Variants in INSYN2A observed in about 807,000 individuals in gnomAD.
INSYN2A encodes family with sequence similarity 196 member A.
INSYN2A carries 17 observed loss-of-function variants against 39.4 expected under a neutral mutation model. That is an observed-to-expected ratio of 0.43 (90% CI 0.30 to 0.65). INSYN2A has a LOEUF of 0.65. Ranked by LOEUF, INSYN2A falls within the 30% of genes least tolerant of loss-of-function variation. INSYN2A has a pLI of 0.14. For synonymous variants in INSYN2A, 255 were observed against 265.7 expected, an observed-to-expected ratio of 0.96 and a Z score of 0.39; for missense variants, 595 against 631.2, an observed-to-expected ratio of 0.94 and a Z score of 0.61.
At chr10:127,157,529 A>G (rs931203696) in intron 4 of INSYN2A, among the ~76,000 whole-genome samples, 2 of 152,144 alleles carry the variant, frequency 1.3e-5, no homozygotes. Context: ...TTTTCACTCA[A>G]TTTTCTTTCT....
chr10:127,175,900 GC>G lies in INSYN2A; in HGVS notation c.495del (p.Arg166GlyfsTer16), dbSNP rs766459538. On this transcript the variant is annotated frameshift_variant, in exon 4 of 6. Coordinates refer to ENST00000522781, the MANE Select transcript of INSYN2A (RefSeq NM_001039762.3). LOFTEE classifies it high-confidence loss of function. This position sits in a 1 kb window ranked among gnomAD's most constrained non-coding sequence, Gnocchi z 6.3. ...PMEEARPCGAGRVHKTTALVF... is the reference protein window; with the variant it reads ...PMEEARPCGAXRVHKTTALVF... ...ACCAAGGCTGTGGTCTTGTGCACCC[GC>G]CCCGCGCCACATGGCCGGGCCTCCT... 2 of 1,614,136 alleles carry G rather than the reference GC, an allele frequency of 1.2e-6. No homozygotes were observed. The highest frequency in any genetic ancestry group is 8.5e-7 in the Non-Finnish European group (1 of 1,180,032).
intron 5 of INSYN2A, among the ~76,000 whole-genome samples, chr10:127,141,540 T>G (rs2051244590): frequency 6.6e-6 from 1 of 152,110 alleles, no homozygotes; most frequent in African/African-American, 2.4e-5. Flanking sequence ...CCATCTGTAC[T>G]AAAAATATAA....
chr10:127,148,444 A>G (rs966748356), intron 5 of INSYN2A, among the ~76,000 whole-genome samples: 8 of 152,216 alleles, frequency 5.3e-5, no homozygotes, highest in African/African-American at 1.9e-4. Context: ...TTCATCTCCA[A>G]AAGCCCTTGG....
intron 5 of INSYN2A, among the ~76,000 whole-genome samples, chr10:127,140,243 A>G (rs940687710): frequency 2.0e-5 from 3 of 152,196 alleles, no homozygotes; most frequent in African/African-American, 7.2e-5. Flanking sequence ...ACACCAAGGA[A>G]CCATGTAATC....
intron 5 of INSYN2A, among the ~76,000 whole-genome samples, chr10:127,143,311 A>T (rs1332942437): frequency 1.3e-5 from 2 of 152,178 alleles, no homozygotes; most frequent in Admixed American, 1.3e-4. Context: ...CGACAGGGCC[A>T]TGTGGCTCGG....
At position 127,196,456 on chromosome 10, in the gene INSYN2A, G is replaced by A. The variant is rs182429966; in HGVS notation, c.-854C>T. 2.8e-3 allele frequency among the ~76,000 whole-genome samples: 422 copies of A among 148,648 alleles called. 2 individuals are homozygous for A. Among genetic ancestry groups the A allele is most frequent in the African/African-American group, 9.9e-3 (407 of 41,202 alleles). On this transcript the variant is annotated 5_prime_UTR_variant, in exon 1 of 6. Coordinates refer to ENST00000522781, the MANE Select transcript of INSYN2A (RefSeq NM_001039762.3). ...CAGGAGGCGGGGGCGGGGCAGAGGA[G>A]GGAGCAGGAGGGAAGTCCTTTCCGC...
At chr10:127,183,341 C>T (rs1360047210) in intron 2 of INSYN2A, among the ~76,000 whole-genome samples, 1 of 152,080 alleles carries the variant, frequency 6.6e-6, no homozygotes, top group Non-Finnish European at 1.5e-5. Context: ...TGGGAATGCC[C>T]ATCAACTCGA....
intron 4 of INSYN2A, among the ~76,000 whole-genome samples, chr10:127,157,107 G>A (rs749273820): frequency 6.6e-6 from 1 of 152,222 alleles, no homozygotes; most frequent in Non-Finnish European, 1.5e-5. Flanking sequence ...TGAGCGAACG[G>A]TTAATTTTTG....
chr10:127,188,315 G>A (rs532472779), intron 2 of INSYN2A, among the ~76,000 whole-genome samples: 1 of 152,298 alleles, frequency 6.6e-6, no homozygotes, highest in East Asian at 1.9e-4. Context: ...ATTAATTATG[G>A]GATGGCAAAT....
At chr10:127,191,773 T>C (rs1167521) in intron 2 of INSYN2A, among the ~76,000 whole-genome samples, 125,559 of 152,194 alleles carry the variant, frequency 0.82, 52,180 homozygotes, top group South Asian at 0.93. Flanking sequence ...AAGGCCCTCA[T>C]GCCATCAGCC....
chr10:127,137,561 A>G lies in INSYN2A; in HGVS notation c.*276T>C, dbSNP rs2050808944. ...TACTTGCAGATCGGGGGTGGGGGAAAATTTTTACTTATCATCTTTGACTAC... is the reference window on the plus strand; with the variant it reads ...TACTTGCAGATCGGGGGTGGGGGAAGATTTTTACTTATCATCTTTGACTAC... On this transcript the variant is annotated 3_prime_UTR_variant, in exon 6 of 6. Transcript: ENST00000522781. The G allele has an allele frequency of 1.8e-5, 6 of 332,168 alleles. No homozygotes were observed. The East Asian group carries it at 2.6e-4, about 14-fold the overall frequency. 20.6% of individuals were successfully genotyped at this position (332,168 alleles called of 1,614,324 possible). A position where few individuals can be genotyped will look rare whatever the true frequency, so the allele number is the denominator to read the frequency against.
intron 2 of INSYN2A, among the ~76,000 whole-genome samples, chr10:127,191,863 T>C (rs2056781133): frequency 6.6e-6 from 1 of 152,220 alleles, no homozygotes; most frequent in African/African-American, 2.4e-5. Context: ...TCATCTCTGC[T>C]GAGATGGAGT....
At chr10:127,180,229 G>A (rs145615804) in intron 2 of INSYN2A, among the ~76,000 whole-genome samples, 14 of 152,262 alleles carry the variant, frequency 9.2e-5, no homozygotes, top group East Asian at 7.7e-4. Flanking sequence ...AGGTAGTTCC[G>A]GTAACACAGT....
intron 5 of INSYN2A, among the ~76,000 whole-genome samples, chr10:127,151,046 C>G (rs1023708358): frequency 2.6e-5 from 4 of 152,138 alleles, no homozygotes; most frequent in Non-Finnish European, 5.9e-5. Context: ...TTATGATTTC[C>G]CCATTGATTG....
chr10:127,177,603 G>T (rs1342545707), intron 2 of INSYN2A, among the ~76,000 whole-genome samples: 4 of 152,198 alleles, frequency 2.6e-5, no homozygotes, highest in Non-Finnish European at 5.9e-5. Flanking sequence ...CATGGACATG[G>T]GCCCGTGAGA....
At chr10:127,159,021 T>C (rs1439524422) in intron 4 of INSYN2A, among the ~76,000 whole-genome samples, 1 of 152,056 alleles carries the variant, frequency 6.6e-6, no homozygotes, top group African/African-American at 2.4e-5. Context: ...GAACACTCCT[T>C]GGTCAAGGTA....
Position 127,142,698 on chromosome 10 carries a change from C to T in INSYN2A, c.1257-4678G>A, listed in dbSNP as rs149365573. ...TAGGGATTTACCTTTGTAGCCCTCT[C>T]GCTGCCTGCACCTCCATTCTCCCTC... On this transcript the variant is annotated intron_variant, in intron 5 of 5. Coordinates refer to ENST00000522781, the MANE Select transcript of INSYN2A (RefSeq NM_001039762.3). Among the ~76,000 whole-genome samples, 510 of 152,252 alleles carry T rather than the reference C, an allele frequency of 3.3e-3. 1 individual carries two copies. Among genetic ancestry groups the T allele is most frequent in the African/African-American group, 0.012 (501 of 41,526 alleles).
At chr10:127,147,908 G>A (rs1010144812) in intron 5 of INSYN2A, among the ~76,000 whole-genome samples, 6 of 151,652 alleles carry the variant, frequency 4.0e-5, no homozygotes, top group East Asian at 1.9e-4. Context: ...GTGCGCGCAC[G>A]TAGTCCCAGC....
chr10:127,165,381 T>G (rs1475501461), intron 4 of INSYN2A, among the ~76,000 whole-genome samples: 1 of 152,198 alleles, frequency 6.6e-6, no homozygotes. Flanking sequence ...TCTTGAAATT[T>G]TGGTGTGATC....
Sources: allele counts gnomAD v4.1 joint callset (sites outside exome capture counted in the v4.1 genomes callset), GRCh38; gene constraint gnomAD v4.1.1; non-coding constraint Gnocchi (gnomAD v3.1); transcripts MANE v1.5; gene names NCBI Gene and HGNC (gene_info 2026-07-23, HGNC 2026-07-21).